LCNL1: variants seen among roughly 807,000 people sequenced by gnomAD.
LCNL1 encodes the protein lipocalin-like 1 protein.
In LCNL1, 11 loss-of-function variants were observed where a neutral mutation model predicts 7.9. That is an observed-to-expected ratio of 1.40 (90% CI 0.88 to 2.32). The LOEUF (loss-of-function observed/expected upper bound fraction) is 2.32. Ranked by LOEUF, LCNL1 falls within the 30% of genes most tolerant of loss-of-function variation. The probability of loss-of-function intolerance (pLI) is 0.00; values close to 1 mark genes in which losing one functional copy is unlikely to be tolerated. For synonymous variants in LCNL1, 90 were observed against 92.5 expected (o/e 0.97, Z 0.15); for missense variants, 218 against 217.0 (o/e 1.00, Z -0.03).
Position 136,985,142 on chromosome 9 carries a change from G to C in LCNL1, c.*131G>C, listed in dbSNP as rs1830487009. 7 of 950,726 alleles carry C rather than the reference G, an allele frequency of 7.4e-6. No individual in the cohort carries two copies. The South Asian group carries it at 8.8e-5, about 12-fold the overall frequency. The allele number at this position is 950,726 out of a possible 1,614,324, so 58.9% of individuals were successfully genotyped here. A position where few individuals can be genotyped will look rare whatever the true frequency, so the allele number is the denominator to read the frequency against. ...GCGTCCTGCTGCCGAAGTCGGGTGAGCGGTGCCGGCAGCCCTGCTGGGAGG... is the reference window on the plus strand; with the variant it reads ...GCGTCCTGCTGCCGAAGTCGGGTGACCGGTGCCGGCAGCCCTGCTGGGAGG... On this transcript the variant is annotated 3_prime_UTR_variant, in exon 3 of 3. Transcript: ENST00000408973.
At chr9:136,984,201 A>G (rs1279079978) in intron 1 of LCNL1, 1 of 467,744 alleles carries the variant, frequency 2.1e-6, no homozygotes, top group Admixed American at 3.8e-5. Context: ...GTCTGTGTCT[A>G]TCTCCGTGTG....
Position 136,984,565 on chromosome 9 carries a change from T to G in LCNL1, c.196+2T>G, listed in dbSNP as rs200329732. On this transcript the variant is annotated splice_donor_variant, in intron 2 of 2. Transcript: ENST00000408973. LOFTEE classifies it high-confidence loss of function. Reference sequence around the variant, plus strand: ...TACCGGGGCAGTTCAGCAACCCAGGTGAGGTGGGGCAGCAGGCAGGGCTGT... The same window carrying G: ...TACCGGGGCAGTTCAGCAACCCAGGGGAGGTGGGGCAGCAGGCAGGGCTGT... 90 of 1,563,814 alleles carry G rather than the reference T, an allele frequency of 5.8e-5. 1 individual carries two copies. In the African/African-American group the frequency reaches 1.2e-3, roughly 21 times the overall value.
chr9:136,984,093 TG>T (rs1159150807), intron 1 of LCNL1: 3 of 398,190 alleles, frequency 7.5e-6, no homozygotes, highest in Non-Finnish European at 9.2e-6. Flanking sequence ...TATGCGTCTG[TG>T]TGTCTGTGTG....
rs1349991079 is a variant in LCNL1, at chr9:136,985,089, C to A, written c.*78C>A. ...CGCCCAGAAGATGCAGCTACTGGCGCCCCAAGTGGGCCTGAGCCCCAGCCA... is the reference window on the plus strand; with the variant it reads ...CGCCCAGAAGATGCAGCTACTGGCGACCCAAGTGGGCCTGAGCCCCAGCCA... On this transcript the variant is annotated 3_prime_UTR_variant, in exon 3 of 3. Transcript: ENST00000408973. 35 of 1,348,006 alleles carry A rather than the reference C, an allele frequency of 2.6e-5. No homozygotes were observed. Among genetic ancestry groups the A allele is most frequent in the Non-Finnish European group, 3.4e-5 (34 of 1,008,170 alleles). 83.5% of individuals were successfully genotyped at this position (1,348,006 alleles called of 1,614,324 possible). A position where few individuals can be genotyped will look rare whatever the true frequency, so the allele number is the denominator to read the frequency against.
intron 1 of LCNL1, chr9:136,984,159 G>A (rs550807747): frequency 4.8e-5 from 21 of 435,202 alleles, no homozygotes; most frequent in South Asian, 1.7e-4. Context: ...TCTTGTGTGC[G>A]TGTCTATGTG....
At chr9:136,984,673 G>A in intron 2 of LCNL1, 40 bp from the exon 3 acceptor site, 4 of 1,514,560 alleles carry the variant, frequency 2.6e-6, no homozygotes, top group South Asian at 1.3e-5. Flanking sequence ...TCGGGGGGGA[G>A]GTGCCCTGGG....
chr9:136,983,501 A>AGAATGTG lies in LCNL1; in HGVS notation c.-84_-78dup. 1 of 1,548,096 alleles carries AGAATGTG rather than the reference A, an allele frequency of 6.5e-7. No individual in the cohort carries two copies. Among genetic ancestry groups the AGAATGTG allele is most frequent in the Non-Finnish European group, 8.9e-7 (1 of 1,125,370 alleles). On this transcript the variant is annotated 5_prime_UTR_variant, in exon 1 of 3. In the 5' UTR this introduces an upstream ATG that the reference lacks. Coordinates refer to ENST00000408973, the MANE Select transcript of LCNL1 (RefSeq NM_207510.4). The stretch of plus-strand genomic sequence containing the variant: ...GGCCAGGAAGCAGCTGTGTCGGGGC[A>AGAATGTG]GAATGTGGTGGGCTCAGGCCCAGGG...
chr9:136,985,210 G>A lies in LCNL1; in HGVS notation c.*199G>A. 1.7e-6 allele frequency: 1 copy of A among 579,644 alleles called. No homozygotes were observed. Among genetic ancestry groups the A allele is most frequent in the Non-Finnish European group, 3.0e-6 (1 of 332,454 alleles). 35.9% of individuals were successfully genotyped at this position (579,644 alleles called of 1,614,324 possible). A position where few individuals can be genotyped will look rare whatever the true frequency, so the allele number is the denominator to read the frequency against. ...ACCCCTGCTGGAAGGGCCAGGCCCT[G>A]GTCACTCCACTGATCTCAGATTCGG... On this transcript the variant is annotated 3_prime_UTR_variant, in exon 3 of 3. Transcript: ENST00000408973.
chr9:136,984,382 T>C (rs1048760811), intron 1 of LCNL1, 108 bp from the exon 2 acceptor site: 42 of 984,452 alleles, frequency 4.3e-5, no homozygotes, highest in Non-Finnish European at 5.9e-5. Flanking sequence ...CCTCTAAGGA[T>C]TGTGAGGGTG....
rs764341105 is a variant in LCNL1 at position 136,984,857 on chromosome 9, C to A, written c.341C>A (p.Pro114His). 29 of 1,562,728 alleles carry A rather than the reference C, an allele frequency of 1.9e-5. No individual in the cohort carries two copies. In the East Asian group the frequency reaches 2.4e-4, roughly 13 times the overall value. The stretch of plus-strand genomic sequence containing the variant: ...GCTGCGGGGCGGAGACCCAGACACC[C>A]CCGCTTCGGGTCTGGGATGTCACCC... Reference protein sequence around the residue: ...GRAAGRRPRHPRFGSGMSPLC... With the variant: ...GRAAGRRPRHHRFGSGMSPLC... The change falls in exon 3 of 3, where the codon CCC (proline) becomes CAC (histidine). Residue 114 changes from proline to histidine, a missense_variant. Pro to His is a moderately conservative substitution (Grantham distance 77). Coordinates refer to ENST00000408973, the MANE Select transcript of LCNL1 (RefSeq NM_207510.4).
intron 1 of LCNL1, 99 bp from the exon 2 acceptor site, chr9:136,984,391 T>G: frequency 9.0e-7 from 1 of 1,106,274 alleles, no homozygotes; most frequent in South Asian, 1.8e-5. Context: ...ATTGTGAGGG[T>G]GAACAGGGGA....
chr9:136,984,276 G>C (rs997743819), intron 1 of LCNL1: 37 of 497,462 alleles, frequency 7.4e-5, no homozygotes, highest in Non-Finnish European at 1.2e-4. Flanking sequence ...TGGAGGCCCT[G>C]CATTCTAGGC....
intron 1 of LCNL1, chr9:136,984,244 G>A (rs1830472680): frequency 4.0e-6 from 2 of 504,536 alleles, no homozygotes; most frequent in African/African-American, 3.9e-5. Context: ...TCTTCTGTGT[G>A]TCTGTGTCTG....
chr9:136,983,475 TGGC>T lies in LCNL1; in HGVS notation c.-111_-109del. 7.4e-7 allele frequency: 1 copy of T among 1,348,852 alleles called. No individual in the cohort carries two copies. The highest frequency in any genetic ancestry group is 1.0e-6 in the Non-Finnish European group (1 of 953,040). The allele number at this position is 1,348,852 out of a possible 1,614,324, so 83.6% of individuals were successfully genotyped here. A position where few individuals can be genotyped will look rare whatever the true frequency, so the allele number is the denominator to read the frequency against. ...GAGATGTGTACAGCAGCCCCTGCCG[TGGC>T]CAGGAAGCAGCTGTGTCGGGGCAGA... On this transcript the variant is annotated 5_prime_UTR_variant, in exon 1 of 3. Transcript: ENST00000408973.
intron 1 of LCNL1, 33 bp downstream of exon 1, chr9:136,983,741 C>G (rs767451601): frequency 1.9e-6 from 3 of 1,605,710 alleles, no homozygotes; most frequent in Non-Finnish European, 2.6e-6. Context: ...CAGACTCAGC[C>G]TCAGAGGATG....
At position 136,983,585 on chromosome 9, in the gene LCNL1, A is replaced by C. The variant is rs751211878; in HGVS notation, c.-2A>C. The C allele has an allele frequency of 6.2e-7, 1 of 1,612,904 alleles. No individual in the cohort carries two copies. Among genetic ancestry groups the C allele is most frequent in the Admixed American group, 1.7e-5 (1 of 59,988 alleles). On this transcript the variant is annotated 5_prime_UTR_variant, in exon 1 of 3. Transcript: ENST00000408973. ...GCCCTGCAGTTCCAGGGCACCTGGT[A>C]CATGGTCGGGGTGGTGTCAGATGAC...
At chr9:136,984,161 G>T (rs993196550) in intron 1 of LCNL1, 4 of 442,728 alleles carry the variant, frequency 9.0e-6, no homozygotes, top group Non-Finnish European at 1.6e-5. Flanking sequence ...TTGTGTGCGT[G>T]TCTATGTGTG....
In LCNL1 at chr9:136,985,383, C is replaced by G. The variant is rs192756830; in HGVS notation, c.*372C>G. The G allele has an allele frequency of 1.7e-5, 4 of 239,528 alleles. No homozygotes were observed. Among genetic ancestry groups the G allele is most frequent in the African/African-American group, 2.3e-5 (1 of 43,998 alleles). The allele number at this position is 239,528 out of a possible 1,614,324, so 14.8% of individuals were successfully genotyped here. ...GGGGCGCGGGGTGGCGCCTCAGGCTCGATCTCTCTGCAGACCAGTGTGCGG... is the reference window on the plus strand; with the variant it reads ...GGGGCGCGGGGTGGCGCCTCAGGCTGGATCTCTCTGCAGACCAGTGTGCGG... On this transcript the variant is annotated 3_prime_UTR_variant, in exon 3 of 3. Transcript: ENST00000408973.
chr9:136,984,710 C>T lies in LCNL1; in HGVS notation c.197-3C>T. ...CTGGGGTCAGCGGCTCTCGCTCCTC[C>T]AGCCATGGCCCTGAGTGACATCCGA... On this transcript the variant is annotated splice_region_variant and splice_polypyrimidine_tract_variant and intron_variant, in intron 2 of 2. Coordinates refer to ENST00000408973, the MANE Select transcript of LCNL1 (RefSeq NM_207510.4). 6.6e-7 allele frequency: 1 copy of T among 1,520,016 alleles called. No homozygotes were observed. The allele number at this position is 1,520,016 out of a possible 1,614,324, so 94.2% of individuals were successfully genotyped here.
Sources: allele counts gnomAD v4.1 joint callset, GRCh38; gene constraint gnomAD v4.1.1; transcripts MANE v1.5; gene names NCBI Gene and HGNC (gene_info 2026-07-23, HGNC 2026-07-21).